Variants in RBFOX3 observed in about 807,000 individuals in gnomAD.
RBFOX3 encodes the protein RNA binding protein fox-1 homolog 3.
Under a neutral mutation model 48.7 loss-of-function variants are expected in RBFOX3, and 17 were observed. The observed-to-expected ratio is 0.35, with a 90% CI of 0.24 to 0.52. RBFOX3 has a LOEUF of 0.52. Ranked by LOEUF, RBFOX3 falls within the 20% of genes least tolerant of loss-of-function variation. The probability of loss-of-function intolerance (pLI) is 0.94; values close to 1 mark genes in which losing one functional copy is unlikely to be tolerated. For synonymous variants in RBFOX3, 212 were observed against 209.5 expected (o/e 1.01, Z -0.10); for missense variants, 382 against 497.5 (o/e 0.77, Z 2.21).
intron 2 of RBFOX3, among the ~76,000 whole-genome samples, chr17:79,308,240 C>CACCAGCCCCATT (rs71161658): frequency 0.018 from 2,763 of 152,344 alleles, 97 homozygotes; most frequent in South Asian, 0.15. Flanking sequence ...GAATCCTCAG[C>CACCAGCCCCATT]ACCAGGCCCA....
At chr17:79,092,392 C>A in intron 14 of RBFOX3, 1 of 985,588 alleles carries the variant, frequency 1.0e-6, no homozygotes, top group Non-Finnish European at 1.2e-6. Context: ...GGGTCAAAGA[C>A]ACACACACCA....
intron 9 of RBFOX3, chr17:79,098,416 A>T (rs1204117872): frequency 2.6e-5 from 4 of 152,408 alleles, no homozygotes; most frequent in Non-Finnish European, 5.9e-5. Context: ...TGAGCCACAC[A>T]GACTGTTCGA....
chr17:79,394,893 G>A (rs1049667742), intron 2 of RBFOX3, among the ~76,000 whole-genome samples: 5 of 152,218 alleles, frequency 3.3e-5, no homozygotes, highest in Admixed American at 6.5e-5. Flanking sequence ...GCCTGGAGAC[G>A]CAACACAGGC....
At chr17:79,328,234 G>A (rs72849072) in intron 2 of RBFOX3, among the ~76,000 whole-genome samples, 12 of 152,248 alleles carry the variant, frequency 7.9e-5, no homozygotes, top group Non-Finnish European at 1.3e-4. Context: ...GGATTGGGGA[G>A]CAGGGGCAAG....
At position 79,481,628 on chromosome 17, in the gene RBFOX3, A is replaced by G. The variant is rs1370658558; in HGVS notation, c.-175+826T>C. On this transcript the variant is annotated intron_variant, in intron 2 of 14. Coordinates refer to ENST00000693108, the MANE Select transcript of RBFOX3 (RefSeq NM_001350451.2). The surrounding 1 kb of genome is among the most constrained non-coding windows in gnomAD (Gnocchi z 5.4). ...AGAGAGGGCTAGAGACAGCTCAGTCACGTGGCTCGGGGAGCTTGCGGTTGG... is the reference window on the plus strand; with the variant it reads ...AGAGAGGGCTAGAGACAGCTCAGTCGCGTGGCTCGGGGAGCTTGCGGTTGG... Among the ~76,000 whole-genome samples the G allele has an allele frequency of 6.6e-6, 1 of 152,140 alleles. No individual in the cohort carries two copies. Among genetic ancestry groups the G allele is most frequent in the Admixed American group, 6.5e-5 (1 of 15,280 alleles).
At chr17:79,368,991 G>A (rs909201656) in intron 2 of RBFOX3, among the ~76,000 whole-genome samples, 7 of 152,108 alleles carry the variant, frequency 4.6e-5, no homozygotes, top group Admixed American at 1.3e-4. Flanking sequence ...CCAGTCACTC[G>A]CTCACCGCCG....
chr17:79,215,534 C>T (rs1172716534), intron 4 of RBFOX3, among the ~76,000 whole-genome samples: 1 of 152,220 alleles, frequency 6.6e-6, no homozygotes, highest in Non-Finnish European at 1.5e-5. Flanking sequence ...GCACTGCTGA[C>T]CGACCACTCA....
intron 2 of RBFOX3, among the ~76,000 whole-genome samples, chr17:79,394,922 T>C (rs2148286087): frequency 6.6e-6 from 1 of 152,130 alleles, no homozygotes; most frequent in East Asian, 1.9e-4. Context: ...CGTGTGCAGG[T>C]GGGACGACGC....
chr17:79,375,721 C>T (rs2147783134), intron 2 of RBFOX3, among the ~76,000 whole-genome samples: 1 of 152,300 alleles, frequency 6.6e-6, no homozygotes, highest in Admixed American at 6.5e-5. Context: ...CCCAATTCAA[C>T]CTCACTGCCA....
At position 79,142,764 on chromosome 17, in the gene RBFOX3, G is replaced by T. The variant is rs2042162008; in HGVS notation, c.-33-27016C>A. Among the ~76,000 whole-genome samples, 10 of 152,150 alleles carry T rather than the reference G, an allele frequency of 6.6e-5. No homozygotes were observed. The South Asian group carries it at 2.1e-3, about 32-fold the overall frequency. ...CTCTTACGAAGTTGTTGAAAGATGG[G>T]TCTGGGCTTCTAGGCACAGGGGCAG... On this transcript the variant is annotated intron_variant, in intron 4 of 14. Transcript: ENST00000693108.
chr17:79,177,128 C>G (rs1041231331), intron 4 of RBFOX3, among the ~76,000 whole-genome samples: 1 of 152,180 alleles, frequency 6.6e-6, no homozygotes, highest in Non-Finnish European at 1.5e-5. Flanking sequence ...GCCACATGGG[C>G]CTAGCCTGGG....
rs74000065 is a variant in RBFOX3, at chr17:79,421,878, A to C, written c.-175+60576T>G. Among the ~76,000 whole-genome samples, 1,135 of 152,230 alleles carry C rather than the reference A, an allele frequency of 7.5e-3. 15 individuals are homozygous for C. The highest frequency in any genetic ancestry group is 0.026 in the African/African-American group (1,090 of 41,532). On this transcript the variant is annotated intron_variant, in intron 2 of 14. Transcript: ENST00000693108. The surrounding 1 kb of genome is among the most constrained non-coding windows in gnomAD (Gnocchi z 4.5). ...GTGGCCCACGAGGCTCATGGGTTCC[A>C]GGAACCCACGCCCCACCCCAAGCTG...
chr17:79,171,542 G>C (rs78567375), intron 4 of RBFOX3, among the ~76,000 whole-genome samples: 16,618 of 152,116 alleles, frequency 0.11, 1,024 homozygotes, highest in Non-Finnish European at 0.15. Flanking sequence ...ACAGACAGTG[G>C]GACAGATTTG....
intron 5 of RBFOX3, among the ~76,000 whole-genome samples, chr17:79,107,247 C>G (rs1305101130): frequency 6.6e-6 from 1 of 152,190 alleles, no homozygotes; most frequent in African/African-American, 2.4e-5. Flanking sequence ...GAGGGTCCGC[C>G]TGTCCGAAGG....
At chr17:79,338,956 G>C (rs770585709) in intron 2 of RBFOX3, among the ~76,000 whole-genome samples, 13 of 152,000 alleles carry the variant, frequency 8.6e-5, no homozygotes, top group Non-Finnish European at 1.6e-4. Flanking sequence ...GGAAGGAGGC[G>C]GTTCTATAAA....
chr17:79,593,747 C>T (rs934106389), intron 1 of RBFOX3, among the ~76,000 whole-genome samples: 7 of 152,196 alleles, frequency 4.6e-5, no homozygotes, highest in Admixed American at 1.3e-4. Context: ...CGACGGAACC[C>T]GATGGGCACA....
intron 1 of RBFOX3, among the ~76,000 whole-genome samples, chr17:79,585,439 C>A (rs1163508811): frequency 3.9e-5 from 6 of 151,996 alleles, no homozygotes; most frequent in African/African-American, 1.2e-4. Context: ...AGCCTGTAAT[C>A]CCAGCTACTC....
intron 2 of RBFOX3, among the ~76,000 whole-genome samples, chr17:79,403,071 G>A (rs1598538882): frequency 6.6e-6 from 1 of 152,326 alleles, no homozygotes; most frequent in South Asian, 2.1e-4. Context: ...CATCTCGGAA[G>A]GGACACAGTG....
intron 2 of RBFOX3, among the ~76,000 whole-genome samples, chr17:79,383,933 AG>A (rs548199451): frequency 8.7e-4 from 131 of 150,410 alleles, no homozygotes; most frequent in Non-Finnish European, 1.3e-3. Context: ...GGAATGTCAG[AG>A]GGGGGGGCAA....
Sources: gnomAD v4.1 joint callset for allele counts (sites outside exome capture counted in the v4.1 genomes callset) on GRCh38, gnomAD v4.1.1 for gene constraint, Gnocchi (gnomAD v3.1) non-coding constraint, MANE v1.5 for transcripts, NCBI Gene and HGNC (gene_info 2026-07-23, HGNC 2026-07-21) for gene names.